Variants in TMEM151B observed in about 807,000 individuals in gnomAD.
The protein encoded by TMEM151B is transmembrane protein 151B, also known as transmembrane protein 193.
TMEM151B carries 18 observed loss-of-function variants against 33.0 expected under a neutral mutation model. The observed-to-expected ratio is 0.55, with a 90% confidence interval of 0.38 to 0.81. The LOEUF is 0.81. TMEM151B is among the 30% of genes least tolerant of loss of function. TMEM151B has a pLI of 0.00. For synonymous variants in TMEM151B, 354 were observed against 373.6 expected, an observed-to-expected ratio of 0.95 and a Z score of 0.61; for missense variants, 672 against 843.4, an observed-to-expected ratio of 0.80 and a Z score of 2.52.
Position 44,278,778 on chromosome 6 carries a change from G to A in TMEM151B, c.*2251G>A, listed in dbSNP as rs1782691940. The A allele has an allele frequency of 6.6e-6, 1 of 152,094 alleles. No homozygotes were observed. The highest frequency in any genetic ancestry group is 6.5e-5 in the Admixed American group (1 of 15,278). 9.4% of individuals were successfully genotyped at this position (152,094 alleles called of 1,614,324 possible). A position where few individuals can be genotyped will look rare whatever the true frequency, so the allele number is the denominator to read the frequency against. On this transcript the variant is annotated 3_prime_UTR_variant, in exon 3 of 3. Transcript: ENST00000451188. ...AGCTTTACTGATTGCCAGGGAAAAT[G>A]AAAACCAGAAAATTAATTAATCTCT... is the stretch of plus-strand genomic sequence containing the variant.
At chr6:44,270,940 C>A in intron 1 of TMEM151B, 63 bp downstream of exon 1, 1 of 1,004,302 alleles carries the variant, frequency 1.0e-6, no homozygotes, top group Non-Finnish European at 1.2e-6. Context: ...TCCCCCATCG[C>A]ACGCGTCCCC....
chr6:44,277,241 TC>T lies in TMEM151B; in HGVS notation c.*718del. 6.6e-6 allele frequency: 1 copy of T among 152,378 alleles called. No individual in the cohort carries two copies. The highest frequency in any genetic ancestry group is 1.5e-5 in the Non-Finnish European group (1 of 68,102). 9.4% of individuals were successfully genotyped at this position (152,378 alleles called of 1,614,324 possible). On this transcript the variant is annotated 3_prime_UTR_variant, in exon 3 of 3. Transcript: ENST00000451188. Reference sequence around the variant, plus strand: ...TGCACAGACATCACTCACCTTCCGCTCCCCAGTCCTGCAGAGCTGTTGCCAG... The same window carrying T: ...TGCACAGACATCACTCACCTTCCGCTCCCAGTCCTGCAGAGCTGTTGCCAG...
Position 44,275,536 on chromosome 6 carries a change from G to A in TMEM151B, c.710G>A (p.Cys237Tyr), listed in dbSNP as rs921774077. 4.5e-6 allele frequency: 7 copies of A among 1,550,468 alleles called. No homozygotes were observed. The highest frequency in any genetic ancestry group is 6.1e-6 in the Non-Finnish European group (7 of 1,146,598). Reference protein sequence around the residue: ...APATRLRFTKCFSFASVEAEN... With the variant: ...APATRLRFTKYFSFASVEAEN... ...GCCACGCGGCTGCGCTTCACCAAGTGCTTCAGTTTCGCCAGCGTGGAGGCC... is the reference window on the plus strand; with the variant it reads ...GCCACGCGGCTGCGCTTCACCAAGTACTTCAGTTTCGCCAGCGTGGAGGCC... Residue 237 changes from cysteine to tyrosine, a missense_variant, in exon 3 of 3, where the codon TGC becomes TAC. Around this residue, in one of 3 missense-constraint regions of TMEM151B, gnomAD observed 285 missense variants for 423.1 expected, o/e 0.67. Transcript: ENST00000451188.
chr6:44,273,404 A>G lies in TMEM151B; in HGVS notation c.474A>G (p.Gln158=), dbSNP rs1274706369. The change falls in exon 2 of 3, where the codon CAA becomes CAG. Residue 158 remains glutamine (Q), a synonymous_variant. Coordinates refer to ENST00000451188, the MANE Select transcript of TMEM151B (RefSeq NM_001137560.2). ...GGGAACGTGTGGGCCGCATGCAGCAAGCCACGCCCTGCATCTGGTGGAAGG... is the reference window on the plus strand; with the variant it reads ...GGGAACGTGTGGGCCGCATGCAGCAGGCCACGCCCTGCATCTGGTGGAAGG... ...SVRERVGRMQ[Q]ATPCIWWKAI... The G allele has an allele frequency of 3.9e-6, 6 of 1,551,116 alleles. No homozygotes were observed. Among genetic ancestry groups the G allele is most frequent in the African/African-American group, 2.7e-5 (2 of 73,062 alleles).
chr6:44,276,786 G>A lies in TMEM151B; in HGVS notation c.*259G>A. On this transcript the variant is annotated 3_prime_UTR_variant, in exon 3 of 3. Coordinates refer to ENST00000451188, the MANE Select transcript of TMEM151B (RefSeq NM_001137560.2). ...GTCATTCTTCCAGCCCCAACCCTGA[G>A]TTCCTAAAGGGACACCTCCCTCCTG... The A allele has an allele frequency of 1.7e-6, 1 of 593,088 alleles. No individual in the cohort carries two copies. The highest frequency in any genetic ancestry group is 2.4e-6 in the Non-Finnish European group (1 of 412,792). The allele number at this position is 593,088 out of a possible 1,614,324, so 36.7% of individuals were successfully genotyped here.
At chr6:44,275,149 GA>G (rs1391467688) in intron 2 of TMEM151B, among the ~76,000 whole-genome samples, 1 of 149,460 alleles carries the variant, frequency 6.7e-6, no homozygotes, top group Non-Finnish European at 1.5e-5. Flanking sequence ...AAAAGAAAAA[GA>G]AAAAAAATTT....
intron 2 of TMEM151B, among the ~76,000 whole-genome samples, chr6:44,274,915 G>A (rs926888140): frequency 9.2e-5 from 14 of 151,922 alleles, no homozygotes; most frequent in South Asian, 2.1e-4. Context: ...TCAAGAGATC[G>A]AGACCATTCT....
In TMEM151B at chr6:44,276,464, G is replaced by T. The variant is rs1418012558; in HGVS notation, c.1638G>T (p.Gly546=). 2 of 1,481,626 alleles carry T rather than the reference G, an allele frequency of 1.3e-6. No homozygotes were observed. Among genetic ancestry groups the T allele is most frequent in the Non-Finnish European group, 1.8e-6 (2 of 1,117,004 alleles). 91.8% of individuals were successfully genotyped at this position (1,481,626 alleles called of 1,614,324 possible). A position where few individuals can be genotyped will look rare whatever the true frequency, so the allele number is the denominator to read the frequency against. The change falls in exon 3 of 3, where the codon GGG becomes GGT. Residue 546 remains glycine, a synonymous_variant. Transcript: ENST00000451188. ...FPVLIVHRQE[G]CLGHSHRPLH... is the part of the protein sequence containing the mutation. ...TCCTCATCGTCCACCGGCAGGAGGGGTGTCTGGGCCACAGCCACCGGCCGC... is the reference window on the plus strand; with the variant it reads ...TCCTCATCGTCCACCGGCAGGAGGGTTGTCTGGGCCACAGCCACCGGCCGC...
intron 1 of TMEM151B, among the ~76,000 whole-genome samples, chr6:44,272,612 G>T (rs568420043): frequency 6.6e-6 from 1 of 152,298 alleles, no homozygotes; most frequent in African/African-American, 2.4e-5. Context: ...AGAGGACCTG[G>T]AAGGGGTCTG....
Position 44,273,499 on chromosome 6 carries a change from C to G in TMEM151B, c.569C>G (p.Thr190Ser). ...TRYRNGDAYTTTQVYHERVNT... is the reference protein window; with the variant it reads ...TRYRNGDAYTSTQVYHERVNT... Reference sequence around the variant, plus strand: ...TACCGCAATGGAGACGCCTATACCACCACCCAGGTGAGGAGCTGGTGGGGA... The same window carrying G: ...TACCGCAATGGAGACGCCTATACCAGCACCCAGGTGAGGAGCTGGTGGGGA... The change falls in exon 2 of 3, where the codon ACC (threonine) becomes AGC (serine). Residue 190 changes from threonine (T) to serine (S), a missense_variant. Coordinates refer to ENST00000451188, the MANE Select transcript of TMEM151B (RefSeq NM_001137560.2). 6.5e-7 allele frequency: 1 copy of G among 1,541,172 alleles called. No individual in the cohort carries two copies. Among genetic ancestry groups the G allele is most frequent in the Non-Finnish European group, 8.8e-7 (1 of 1,139,438 alleles).
chr6:44,273,189 G>A lies in TMEM151B; in HGVS notation c.259G>A (p.Val87Met). The A allele has an allele frequency of 6.5e-7, 1 of 1,549,518 alleles. No individual in the cohort carries two copies. Among genetic ancestry groups the A allele is most frequent in the Non-Finnish European group, 8.7e-7 (1 of 1,145,380 alleles). Residue 87 changes from valine to methionine, a missense_variant, in exon 2 of 3, where the codon GTG (valine) becomes ATG (methionine). Val to Met is a conservative substitution (Grantham distance 21). Coordinates refer to ENST00000451188, the MANE Select transcript of TMEM151B (RefSeq NM_001137560.2). ...GAVAWCHVTT[V>M]TRLTFSSAYQ... ...AGTGGCCTGGTGCCACGTCACCACA[G>A]TGACGCGCCTCACCTTCAGCAGCGC...
At position 44,279,225 on chromosome 6, in the gene TMEM151B, G is replaced by A. The variant is rs1489235683; in HGVS notation, c.*2698G>A. 6.6e-6 allele frequency: 1 copy of A among 152,292 alleles called. No homozygotes were observed. Among genetic ancestry groups the A allele is most frequent in the African/African-American group, 2.4e-5 (1 of 41,442 alleles). The allele number at this position is 152,292 out of a possible 1,614,324, so 9.4% of individuals were successfully genotyped here. A position where few individuals can be genotyped will look rare whatever the true frequency, so the allele number is the denominator to read the frequency against. ...TGTGATTCCTGTAGGTGTGGCCCCA[G>A]GGTGGACAGCTACAGAGTGATGGGG... On this transcript the variant is annotated 3_prime_UTR_variant, in exon 3 of 3. Transcript: ENST00000451188.
chr6:44,275,156 A>C lies in TMEM151B; in HGVS notation c.577-247A>C, dbSNP rs900446848. Among the ~76,000 whole-genome samples the C allele has an allele frequency of 8.5e-5, 13 of 152,126 alleles. No homozygotes were observed. In the East Asian group the frequency reaches 2.3e-3, roughly 27 times the overall value. Reference sequence around the variant, plus strand: ...AAAAAAGAAAAAGAAAAAGAAAAAAAATTTAAATGCGCACAGGTAGGGCTG... The same window carrying C: ...AAAAAAGAAAAAGAAAAAGAAAAAACATTTAAATGCGCACAGGTAGGGCTG... On this transcript the variant is annotated intron_variant, in intron 2 of 2. Coordinates refer to ENST00000451188, the MANE Select transcript of TMEM151B (RefSeq NM_001137560.2).
At position 44,276,251 on chromosome 6, in the gene TMEM151B, G is replaced by T. The variant is rs1338205653; in HGVS notation, c.1425G>T (p.Ser475=). 3.8e-6 allele frequency: 5 copies of T among 1,317,628 alleles called. No individual in the cohort carries two copies. The highest frequency in any genetic ancestry group is 4.8e-6 in the Non-Finnish European group (5 of 1,037,474). The allele number at this position is 1,317,628 out of a possible 1,614,324, so 81.6% of individuals were successfully genotyped here. A position where few individuals can be genotyped will look rare whatever the true frequency, so the allele number is the denominator to read the frequency against. ...CGGGCTGCGGGGGCAGCCGCTTCTC[G>T]CTGGGCCGTCTCTACGGCTCCCGGC... ...GGAGCGGSRF[S]LGRLYGSRRS... The change falls in exon 3 of 3, where the codon TCG becomes TCT. Residue 475 remains serine, a synonymous_variant. Coordinates refer to ENST00000451188, the MANE Select transcript of TMEM151B (RefSeq NM_001137560.2).
intron 1 of TMEM151B, 25 bp from the exon 2 acceptor site, chr6:44,273,040 GC>G: frequency 6.8e-7 from 1 of 1,469,964 alleles, no homozygotes. Context: ...ACTCATCTTG[GC>G]CCCTCTCCCT....
At position 44,277,530 on chromosome 6, in the gene TMEM151B, G is replaced by A. The variant is rs2153338813; in HGVS notation, c.*1003G>A. On this transcript the variant is annotated 3_prime_UTR_variant, in exon 3 of 3. Transcript: ENST00000451188. Reference sequence around the variant, plus strand: ...AGAGGAGAGGGCAGTGGAGGGTAGAGGAAAAGGACCTCCAGAGGTGGGGTG... The same window carrying A: ...AGAGGAGAGGGCAGTGGAGGGTAGAAGAAAAGGACCTCCAGAGGTGGGGTG... 6.6e-6 allele frequency: 1 copy of A among 152,526 alleles called. No homozygotes were observed. Among genetic ancestry groups the A allele is most frequent in the Non-Finnish European group, 1.5e-5 (1 of 68,192 alleles). 9.4% of individuals were successfully genotyped at this position (152,526 alleles called of 1,614,324 possible).
rs577396064 is a variant in TMEM151B at position 44,278,228 on chromosome 6, G to T, written c.*1701G>T. ...AAATTGTGGGGATACCATGGCCCAT[G>T]GCTTCTAAAGGGTTTAGCTTTACTT... On this transcript the variant is annotated 3_prime_UTR_variant, in exon 3 of 3. Transcript: ENST00000451188. The T allele has an allele frequency of 1.2e-4, 18 of 155,148 alleles. No homozygotes were observed. In the South Asian group the frequency reaches 3.2e-3, roughly 28 times the overall value. 9.6% of individuals were successfully genotyped at this position (155,148 alleles called of 1,614,324 possible).
rs1782673879 is a variant in TMEM151B at position 44,278,350 on chromosome 6, G to A, written c.*1823G>A. On this transcript the variant is annotated 3_prime_UTR_variant, in exon 3 of 3. Transcript: ENST00000451188. ...GCCCACCAGGTTTTCCTGGACAGCA[G>A]TGCCCACCTGCCTACTAGCACTGAA... 6.5e-6 allele frequency: 1 copy of A among 153,898 alleles called. No homozygotes were observed. The highest frequency in any genetic ancestry group is 2.4e-5 in the African/African-American group (1 of 41,508). 9.5% of individuals were successfully genotyped at this position (153,898 alleles called of 1,614,324 possible).
At position 44,276,077 on chromosome 6, in the gene TMEM151B, G is replaced by A. The variant is rs1782575490; in HGVS notation, c.1251G>A (p.Gly417=). 2 of 1,325,186 alleles carry A rather than the reference G, an allele frequency of 1.5e-6. No individual in the cohort carries two copies. The highest frequency in any genetic ancestry group is 3.1e-5 in the African/African-American group (2 of 64,694). The allele number at this position is 1,325,186 out of a possible 1,614,324, so 82.1% of individuals were successfully genotyped here. The stretch of plus-strand genomic sequence containing the variant: ...ACGCGCCCTCGTGCCGCTACGGTGG[G>A]GTAGGCGGCCCGGGCGCGGCGGGCG... ...GGYAPSCRYG[G]VGGPGAAGVA... is the part of the protein sequence containing the mutation. Residue 417 remains glycine (G), a synonymous_variant, in exon 3 of 3, where the codon GGG becomes GGA. Transcript: ENST00000451188.
Sources: allele counts gnomAD v4.1 joint callset (sites outside exome capture counted in the v4.1 genomes callset), GRCh38; gene constraint gnomAD v4.1.1; regional missense constraint gnomAD v4.1.1; transcripts MANE v1.5; gene names NCBI Gene and HGNC (gene_info 2026-07-23, HGNC 2026-07-21).